WFDC3: variants seen among roughly 807,000 people sequenced by gnomAD.
The protein encoded by WFDC3 is WAP four-disulfide core domain protein 3.
Under a neutral mutation model 25.8 loss-of-function variants are expected in WFDC3, and 15 were observed. That is an observed-to-expected ratio of 0.58 (90% CI 0.39 to 0.89). The LOEUF is 0.89. Ranked by LOEUF, WFDC3 falls within the 40% of genes least tolerant of loss-of-function variation. The pLI is 0.00. For missense variants in WFDC3, 264 were observed against 289.8 expected (o/e 0.91, Z 0.65); for synonymous variants, 103 against 107.1 (o/e 0.96, Z 0.24).
intron 2 of WFDC3, 105 bp from the exon 3 acceptor site, chr20:45,789,164 A>C (rs1408449003): frequency 2.1e-6 from 3 of 1,449,824 alleles, no homozygotes; most frequent in Non-Finnish European, 1.9e-6. Context: ...TTTCTGCACC[A>C]CTGCACTCTA....
At chr20:45,776,321 T>TGTGTGTGTGTGTGTGTATG (rs1980151592) in intron 5 of WFDC3, among the ~76,000 whole-genome samples, 2 of 149,004 alleles carry the variant, frequency 1.3e-5, no homozygotes, top group Non-Finnish European at 1.5e-5. Context: ...TGTGTGTGTG[T>TGTGTGTGTGTGTGTGTATG]TTCCAGCTGG....
chr20:45,791,844 T>A lies in WFDC3; in HGVS notation c.-20A>T. 2.2e-6 allele frequency: 1 copy of A among 448,016 alleles called. No individual in the cohort carries two copies. The highest frequency in any genetic ancestry group is 3.6e-5 in the East Asian group (1 of 28,148). The allele number at this position is 448,016 out of a possible 1,614,324, so 27.8% of individuals were successfully genotyped here. Reference sequence around the variant, plus strand: ...GACCTCCACCTACAAGGCCTCTAAGTGTAACTGTCCTGGGCGAGGCGCGGC... The same window carrying A: ...GACCTCCACCTACAAGGCCTCTAAGAGTAACTGTCCTGGGCGAGGCGCGGC... On this transcript the variant is annotated 5_prime_UTR_variant, in exon 1 of 7. Coordinates refer to ENST00000243938, the MANE Select transcript of WFDC3 (RefSeq NM_080614.2).
chr20:45,775,573 C>T lies in WFDC3; in HGVS notation c.523G>A (p.Val175Met). 1 of 1,614,166 alleles carries T rather than the reference C, an allele frequency of 6.2e-7. No individual in the cohort carries two copies. Among genetic ancestry groups the T allele is most frequent in the Non-Finnish European group, 8.5e-7 (1 of 1,180,032 alleles). ...GRGGDCPKVL[V>M]GLCIVGCVMD... ...ACACAGCCAACAATGCACAGGCCCA[C>T]CAGAACTTTTGGACAATCACCGCCC... Residue 175 changes from valine to methionine, a missense_variant, in exon 6 of 7, where the codon GTG (valine) becomes ATG (methionine). Val to Met is a conservative substitution (Grantham distance 21). Transcript: ENST00000243938.
chr20:45,791,142 T>C (rs1199004896), intron 1 of WFDC3, among the ~76,000 whole-genome samples: 2 of 147,874 alleles, frequency 1.4e-5, no homozygotes, highest in Non-Finnish European at 3.0e-5. Context: ...ATAATTAACA[T>C]TTGATGATGA....
intron 6 of WFDC3, among the ~76,000 whole-genome samples, chr20:45,775,077 CA>C (rs1980073359): frequency 6.6e-6 from 1 of 152,174 alleles, no homozygotes; most frequent in African/African-American, 2.4e-5. Context: ...GCCTATCTGG[CA>C]TGTCCCTGTG....
intron 4 of WFDC3, among the ~76,000 whole-genome samples, chr20:45,779,517 T>C (rs1980344056): frequency 6.6e-6 from 1 of 152,184 alleles, no homozygotes; most frequent in Non-Finnish European, 1.5e-5. Flanking sequence ...CTATGTGTCC[T>C]GATTTTTGAC....
intron 4 of WFDC3, among the ~76,000 whole-genome samples, chr20:45,781,935 C>A (rs1980463201): frequency 6.6e-6 from 1 of 152,222 alleles, no homozygotes; most frequent in African/African-American, 2.4e-5. Flanking sequence ...TATGTTAACT[C>A]TTTTCTGTAC....
At chr20:45,783,371 A>G (rs1757309846) in intron 4 of WFDC3, among the ~76,000 whole-genome samples, 1 of 152,000 alleles carries the variant, frequency 6.6e-6, no homozygotes. Flanking sequence ...CCAGTTTCTC[A>G]GGGAACTAAG....
At chr20:45,781,025 A>T (rs1180844045) in intron 4 of WFDC3, among the ~76,000 whole-genome samples, 2 of 149,954 alleles carry the variant, frequency 1.3e-5, no homozygotes, top group Non-Finnish European at 3.0e-5. Flanking sequence ...GAAACACTTG[A>T]GGTCAGGAGT....
At chr20:45,782,814 G>A (rs1190035083) in intron 4 of WFDC3, among the ~76,000 whole-genome samples, 1 of 152,132 alleles carries the variant, frequency 6.6e-6, no homozygotes, top group Non-Finnish European at 1.5e-5. Flanking sequence ...TACTGGCAGA[G>A]TGGTCTTTTT....
chr20:45,782,810 C>A (rs1174389758), intron 4 of WFDC3, among the ~76,000 whole-genome samples: 1 of 152,180 alleles, frequency 6.6e-6, no homozygotes, highest in Non-Finnish European at 1.5e-5. Flanking sequence ...CATATACTGG[C>A]AGAGTGGTCT....
intron 4 of WFDC3, among the ~76,000 whole-genome samples, chr20:45,782,844 G>A (rs185810767): frequency 6.6e-6 from 1 of 152,056 alleles, no homozygotes; most frequent in Admixed American, 6.6e-5. Flanking sequence ...ACTGGACAAG[G>A]CCTCTCCTGC....
chr20:45,781,197 C>T (rs546305280), intron 4 of WFDC3, among the ~76,000 whole-genome samples: 1 of 151,822 alleles, frequency 6.6e-6, no homozygotes, highest in African/African-American at 2.4e-5. Flanking sequence ...TGCAGTGAGC[C>T]GAGATCACAC....
At position 45,775,400 on chromosome 20, in the gene WFDC3, C is replaced by T. The variant is rs1301325953; in HGVS notation, c.679+17G>A. ...AGCAGTTGTCTGTTATTGTTGATGA[C>T]AATGGACTGTACTCACCTAATTCGG... On this transcript the variant is annotated intron_variant, in intron 6 of 6. Coordinates refer to ENST00000243938, the MANE Select transcript of WFDC3 (RefSeq NM_080614.2). The T allele has an allele frequency of 1.2e-6, 2 of 1,611,942 alleles. No homozygotes were observed.
chr20:45,786,842 C>T (rs1325688071), intron 4 of WFDC3, among the ~76,000 whole-genome samples: 1 of 152,030 alleles, frequency 6.6e-6, no homozygotes, highest in African/African-American at 2.4e-5. Flanking sequence ...CGCCTGTAAT[C>T]CCAGTACTTT....
chr20:45,777,299 T>C, intron 4 of WFDC3, 90 bp from the exon 5 acceptor site: 1 of 1,197,806 alleles, frequency 8.3e-7, no homozygotes, highest in Non-Finnish European at 1.1e-6. Context: ...TATATAGTTA[T>C]ATATTTATAT....
Position 45,774,428 on chromosome 20 carries a change from C to A in WFDC3, c.696G>T (p.Ter232TyrextTer3). Reference protein sequence around the residue: ...SDSELEIPVP* With the variant: ...SDSELEIPVPY ...AGAAGCTCCAGACAAATCAGCACAG[C>A]TAGGGCACCGGGATCTCTGCAAGTA... is the stretch of plus-strand genomic sequence containing the variant. Residue 232 changes from the stop codon to tyrosine, a stop_lost, in exon 7 of 7, where the codon TAG (stop) becomes TAT (tyrosine). Transcript: ENST00000243938. 2.5e-6 allele frequency: 4 copies of A among 1,614,144 alleles called. No homozygotes were observed. The highest frequency in any genetic ancestry group is 3.4e-6 in the Non-Finnish European group (4 of 1,180,014).
rs200753520 is a variant in WFDC3, at chr20:45,790,104, A to G, written c.-7-122T>C. ...CCAGTCCCAAAACCTTCCCTTTCAC[A>G]ATACTCCCCAAGAATATCTTCTCCT... On this transcript the variant is annotated intron_variant, in intron 1 of 6. Coordinates refer to ENST00000243938, the MANE Select transcript of WFDC3 (RefSeq NM_080614.2). 32 of 642,350 alleles carry G rather than the reference A, an allele frequency of 5.0e-5. No homozygotes were observed. The East Asian group carries it at 8.5e-4, about 17-fold the overall frequency. 39.8% of individuals were successfully genotyped at this position (642,350 alleles called of 1,614,324 possible). A position where few individuals can be genotyped will look rare whatever the true frequency, so the allele number is the denominator to read the frequency against.
chr20:45,784,832 T>C (rs1980599553), intron 4 of WFDC3, among the ~76,000 whole-genome samples: 1 of 152,182 alleles, frequency 6.6e-6, no homozygotes, highest in Admixed American at 6.5e-5. Flanking sequence ...CTTTACATAA[T>C]TTGAATAATT....
Sources: allele counts gnomAD v4.1 joint callset (sites outside exome capture counted in the v4.1 genomes callset), GRCh38; gene constraint gnomAD v4.1.1; transcripts MANE v1.5; gene names NCBI Gene and HGNC (gene_info 2026-07-23, HGNC 2026-07-21).